KAT7: variants seen among roughly 807,000 people sequenced by gnomAD.
The protein encoded by KAT7 is histone acetyltransferase KAT7.
A neutral mutation model predicts 82.1 loss-of-function variants in KAT7; 10 were observed. That is an observed-to-expected ratio of 0.12 (90% CI 0.08 to 0.21). The LOEUF is 0.21. Ranked by LOEUF, KAT7 falls within the 10% of genes least tolerant of loss-of-function variation. The probability of loss-of-function intolerance (pLI) is 1.00; values close to 1 mark genes in which losing one functional copy is unlikely to be tolerated. For missense variants in KAT7, 378 were observed against 760.9 expected (o/e 0.50, Z 5.92); for synonymous variants, 250 against 262.5 (o/e 0.95, Z 0.46).
chr17:49,798,699 C>A, intron 4 of KAT7, 141 bp downstream of exon 4: 1 of 774,822 alleles, frequency 1.3e-6, no homozygotes, highest in Non-Finnish European at 2.0e-6. Flanking sequence ...GAGTTGCTCA[C>A]TTGAATAAAA....
intron 4 of KAT7, among the ~76,000 whole-genome samples, chr17:49,801,317 G>A (rs973125770): frequency 6.6e-6 from 1 of 152,018 alleles, no homozygotes; most frequent in African/African-American, 2.4e-5. Context: ...CTGAGTAGCT[G>A]GGGATTACAG....
Position 49,818,021 on chromosome 17 carries a change from C to G in KAT7, c.1155+10C>G, listed in dbSNP as rs1359719590. The stretch of plus-strand genomic sequence containing the variant: ...ACTCCGCCGGCACATGGTGAGTTGT[C>G]TTGGGTTCCTCTGCCTTGACCATGA... On this transcript the variant is annotated intron_variant, in intron 9 of 14. Transcript: ENST00000259021. 3 of 1,610,864 alleles carry G rather than the reference C, an allele frequency of 1.9e-6. No homozygotes were observed. The highest frequency in any genetic ancestry group is 2.5e-6 in the Non-Finnish European group (3 of 1,177,282).
chr17:49,804,837 A>T (rs918188241), intron 4 of KAT7, among the ~76,000 whole-genome samples: 20 of 152,204 alleles, frequency 1.3e-4, no homozygotes, highest in African/African-American at 3.4e-4. Context: ...CCCTCCAAAA[A>T]ATAAGTATTT....
rs767380786 is a variant in KAT7, at chr17:49,826,689, T to G, written c.1628-4T>G. 6.2e-7 allele frequency: 1 copy of G among 1,607,744 alleles called. No individual in the cohort carries two copies. The highest frequency in any genetic ancestry group is 1.1e-5 in the South Asian group (1 of 90,884). On this transcript the variant is annotated splice_polypyrimidine_tract_variant and splice_region_variant and intron_variant, in intron 13 of 14. Coordinates refer to ENST00000259021, the MANE Select transcript of KAT7 (RefSeq NM_007067.5). ...CCAGGTTGTCAGTACTTCTTCTGTT[T>G]CAGAAATCAGTCAGGAGACGGCTGT...
chr17:49,802,355 C>T (rs2074034891), intron 4 of KAT7, among the ~76,000 whole-genome samples: 1 of 151,978 alleles, frequency 6.6e-6, no homozygotes, highest in Non-Finnish European at 1.5e-5. Context: ...AGAAAACATG[C>T]CCTGAATAAA....
chr17:49,815,951 A>G (rs779593715), intron 8 of KAT7, 38 bp downstream of exon 8: 1 of 1,247,164 alleles, frequency 8.0e-7, no homozygotes, highest in Non-Finnish European at 1.2e-6. Context: ...GCCGCTTGTG[A>G]AAGGTGCTTA....
Position 49,828,069 on chromosome 17 carries a change from T to C in KAT7, c.*567T>C, listed in dbSNP as rs1356455208. ...TAAGAGACCTCTTTTTGATCTGTAT[T>C]GGGCTAACCAGAGCCAAATACTTTT... On this transcript the variant is annotated 3_prime_UTR_variant, in exon 15 of 15. Transcript: ENST00000259021. 1 of 152,458 alleles carries C rather than the reference T, an allele frequency of 6.6e-6. No individual in the cohort carries two copies. The highest frequency in any genetic ancestry group is 1.9e-4 in the East Asian group (1 of 5,200). 9.4% of individuals were successfully genotyped at this position (152,458 alleles called of 1,614,324 possible). A position where few individuals can be genotyped will look rare whatever the true frequency, so the allele number is the denominator to read the frequency against.
Position 49,811,560 on chromosome 17 carries a change from A to G in KAT7, c.838A>G (p.Lys280Glu). 1 of 1,508,332 alleles carries G rather than the reference A, an allele frequency of 6.6e-7. No homozygotes were observed. The highest frequency in any genetic ancestry group is 1.3e-5 in the South Asian group (1 of 78,212). The allele number at this position is 1,508,332 out of a possible 1,614,324, so 93.4% of individuals were successfully genotyped here. A position where few individuals can be genotyped will look rare whatever the true frequency, so the allele number is the denominator to read the frequency against. The change falls in exon 7 of 15, where the codon AAA becomes GAA. Residue 280 changes from lysine to glutamate, a missense_variant. Physicochemically the swap from Lys to Glu is moderately conservative, Grantham distance 56 (BLOSUM62 1). Coordinates refer to ENST00000259021, the MANE Select transcript of KAT7 (RefSeq NM_007067.5). ...KRNSGLSKEQKEKYMEHRQTY... is the reference protein window; with the variant it reads ...KRNSGLSKEQEEKYMEHRQTY... ...AAATTCTGGACTGAGCAAAGAACAG[A>G]AAGAGAAATATATGGTGAGGGAAAG...
chr17:49,826,208 T>C, intron 13 of KAT7, 62 bp downstream of exon 13: 4 of 1,506,448 alleles, frequency 2.7e-6, no homozygotes, highest in Non-Finnish European at 3.7e-6. Context: ...TACTGGGTAT[T>C]GTGTTTCCCC....
chr17:49,807,233 A>AG (rs2074102528), intron 5 of KAT7, among the ~76,000 whole-genome samples: 1 of 152,194 alleles, frequency 6.6e-6, no homozygotes, highest in Non-Finnish European at 1.5e-5. Flanking sequence ...AAATATTGTG[A>AG]GGAAAAAAAG....
intron 6 of KAT7, 144 bp from the exon 7 acceptor site, chr17:49,811,332 C>T: frequency 2.3e-6 from 1 of 433,958 alleles, no homozygotes; most frequent in Non-Finnish European, 4.3e-6. Context: ...GTCTTGAACT[C>T]CTGATCTCAG....
At chr17:49,805,563 A>G (rs974949374) in intron 5 of KAT7, 118 bp downstream of exon 5, 48 of 588,826 alleles carry the variant, frequency 8.2e-5, no homozygotes, top group East Asian at 7.5e-4. Context: ...TTGTTCTTAC[A>G]TTGTAGTGGA....
At chr17:49,815,733 A>C (rs1598079177) in intron 7 of KAT7, 70 bp from the exon 8 acceptor site, 2 of 931,250 alleles carry the variant, frequency 2.1e-6, no homozygotes, top group East Asian at 4.8e-5. Context: ...GCATGGATTG[A>C]AATGAAATAG....
At chr17:49,791,132 T>C (rs896813817) in intron 1 of KAT7, among the ~76,000 whole-genome samples, 1 of 152,246 alleles carries the variant, frequency 6.6e-6, no homozygotes, top group Non-Finnish European at 1.5e-5. Context: ...CTAACAATTT[T>C]CATCTTTTTC....
rs769376467 is a variant in KAT7, at chr17:49,826,044, C to T, written c.1525C>T (p.Arg509Cys). 2 of 1,610,326 alleles carry T rather than the reference C, an allele frequency of 1.2e-6. No homozygotes were observed. Among genetic ancestry groups the T allele is most frequent in the South Asian group, 1.1e-5 (1 of 90,784 alleles). Residue 509 changes from arginine (R) to cysteine (C), a missense_variant, in exon 13 of 15, where the codon CGT (arginine) becomes TGT (cysteine). Transcript: ENST00000259021. ...CGAAGAAAAAGTTGGCTCCCCAGAACGTCCACTCTCAGATCTGGGGCTTAT... is the reference window on the plus strand; with the variant it reads ...CGAAGAAAAAGTTGGCTCCCCAGAATGTCCACTCTCAGATCTGGGGCTTAT... Reference protein sequence around the residue: ...KVEEKVGSPERPLSDLGLISY... With the variant: ...KVEEKVGSPECPLSDLGLISY...
chr17:49,817,414 CTG>C (rs2074247481), intron 8 of KAT7, among the ~76,000 whole-genome samples: 1 of 152,144 alleles, frequency 6.6e-6, no homozygotes, highest in Admixed American at 6.5e-5. Context: ...GAAGCCAAAT[CTG>C]TCTGATTTTT....
At chr17:49,815,253 T>G (rs1439698891) in intron 7 of KAT7, 1 of 152,256 alleles carries the variant, frequency 6.6e-6, no homozygotes, top group East Asian at 1.9e-4. Flanking sequence ...AGCATAATGG[T>G]GGCTGGAGCA....
chr17:49,805,878 G>A (rs1368414659), intron 5 of KAT7, among the ~76,000 whole-genome samples: 1 of 151,990 alleles, frequency 6.6e-6, no homozygotes, highest in Non-Finnish European at 1.5e-5. Context: ...TCCTTTTTCT[G>A]TCCATTTCTG....
chr17:49,802,662 T>G (rs1350908618), intron 4 of KAT7, among the ~76,000 whole-genome samples: 1 of 144,138 alleles, frequency 6.9e-6, no homozygotes, highest in Non-Finnish European at 1.5e-5. Flanking sequence ...GGAGTGAAAC[T>G]CCATCTCAAA....
Sources: allele counts gnomAD v4.1 joint callset (sites outside exome capture counted in the v4.1 genomes callset), GRCh38; gene constraint gnomAD v4.1.1; transcripts MANE v1.5; gene names NCBI Gene and HGNC (gene_info 2026-07-23, HGNC 2026-07-21).